Variants in DNAH6 observed in about 807,000 individuals in gnomAD.
DNAH6 encodes axonemal beta dynein heavy chain 6.
DNAH6 carries 340 observed loss-of-function variants against 491.4 expected under a neutral mutation model. That is an observed-to-expected ratio of 0.69 (90% confidence interval 0.63 to 0.76). The LOEUF (loss-of-function observed/expected upper bound fraction) is 0.76. DNAH6 is among the 30% of genes least tolerant of loss of function. The probability of loss-of-function intolerance (pLI) is 0.00; values close to 1 mark genes in which losing one functional copy is unlikely to be tolerated. For missense variants in DNAH6, 4,443 were observed against 4,972.2 expected (o/e 0.89, Z 3.20); for synonymous variants, 1,603 against 1,686.1 (o/e 0.95, Z 1.21).
Position 84,637,192 on chromosome 2 carries a change from T to C in DNAH6, c.4654-18T>C, listed in dbSNP as rs1200727270. ...AAGTGTCTGGAAGAGTGTTAACTTA[T>C]ATTTTATCTTCGAACAGCTCTCTAG... is the stretch of plus-strand genomic sequence containing the variant. On this transcript the variant is annotated intron_variant, in intron 30 of 76. Transcript: ENST00000389394. The C allele has an allele frequency of 1.2e-5, 18 of 1,521,708 alleles. No individual in the cohort carries two copies. In the South Asian group the frequency reaches 1.6e-4, roughly 14 times the overall value. The allele number at this position is 1,521,708 out of a possible 1,614,324, so 94.3% of individuals were successfully genotyped here.
the DNAH6 span, among the ~76,000 whole-genome samples, chr2:84,489,049 C>T: frequency 6.6e-6 from 1 of 152,144 alleles, no homozygotes; most frequent in Non-Finnish European, 1.5e-5. Flanking sequence ...TCAAATAGGT[C>T]TGAAATCATT....
At chr2:84,807,978 A>G (rs945308305) in intron 71 of DNAH6, among the ~76,000 whole-genome samples, 5 of 152,024 alleles carry the variant, frequency 3.3e-5, no homozygotes, top group African/African-American at 9.7e-5. Flanking sequence ...CTATGATCTC[A>G]CTTAAGCAAC....
intron 22 of DNAH6, among the ~76,000 whole-genome samples, chr2:84,616,455 T>C (rs891109963): frequency 1.3e-5 from 2 of 152,182 alleles, no homozygotes; most frequent in Non-Finnish European, 2.9e-5. Context: ...CTTCTTTGTC[T>C]TTTTTAACTG....
chr2:84,630,799 C>T (rs13391520), intron 29 of DNAH6, among the ~76,000 whole-genome samples: 10,135 of 152,138 alleles, frequency 0.067, 1,099 homozygotes, highest in African/African-American at 0.23. Flanking sequence ...TTATGTGTTA[C>T]AGAGTTTATT....
intron 68 of DNAH6, among the ~76,000 whole-genome samples, chr2:84,791,237 T>C: frequency 6.6e-6 from 1 of 150,400 alleles, no homozygotes; most frequent in East Asian, 1.9e-4. Flanking sequence ...AAAACAAAAC[T>C]TGTACACAAA....
intron 61 of DNAH6, among the ~76,000 whole-genome samples, chr2:84,731,693 T>C (rs1699131753): frequency 6.6e-6 from 1 of 152,136 alleles, no homozygotes; most frequent in Non-Finnish European, 1.5e-5. Context: ...TCTAAAACAA[T>C]AAAGTTTGTA....
At chr2:84,571,810 C>T (rs1681917857) in intron 11 of DNAH6, among the ~76,000 whole-genome samples, 1 of 151,342 alleles carries the variant, frequency 6.6e-6, no homozygotes, top group African/African-American at 2.4e-5. Flanking sequence ...TCCCAGCTAC[C>T]CAGGAGACTG....
the DNAH6 span, among the ~76,000 whole-genome samples, chr2:84,475,810 T>G: frequency 6.6e-6 from 1 of 152,338 alleles, no homozygotes; most frequent in East Asian, 1.9e-4. Flanking sequence ...AAAATCAATA[T>G]ATGATTCTTT....
At chr2:84,706,667 A>G (rs1410503141) in intron 52 of DNAH6, among the ~76,000 whole-genome samples, 1 of 152,082 alleles carries the variant, frequency 6.6e-6, no homozygotes, top group Non-Finnish European at 1.5e-5. Context: ...CTGTTTCTCT[A>G]TTATGATTTA....
At chr2:84,498,491 A>T in the DNAH6 span, among the ~76,000 whole-genome samples, 2 of 102,654 alleles carry the variant, frequency 1.9e-5, no homozygotes, top group Non-Finnish European at 3.9e-5. Flanking sequence ...TAGAATAGAA[A>T]CCTGCTCAAG....
At chr2:84,515,167 G>A (rs896957400), upstream of DNAH6, among the ~76,000 whole-genome samples, 11 of 152,282 alleles carry the variant, frequency 7.2e-5, no homozygotes, top group East Asian at 1.9e-3. Flanking sequence ...TTATATCAAT[G>A]ATTGCATTTT....
chr2:84,572,030 C>A (rs936612438), intron 11 of DNAH6, among the ~76,000 whole-genome samples: 2 of 152,100 alleles, frequency 1.3e-5, no homozygotes, highest in African/African-American at 4.8e-5. Context: ...CTATGAAATT[C>A]ATTACTGGAA....
chr2:84,783,669 T>C (rs1367251629), intron 65 of DNAH6, among the ~76,000 whole-genome samples: 1 of 152,250 alleles, frequency 6.6e-6, no homozygotes, highest in Admixed American at 6.5e-5. Flanking sequence ...AAGGGCCTAG[T>C]GTACCATGTA....
rs551713072 is a variant in DNAH6 at position 84,798,185 on chromosome 2, A to T, written c.11481+527A>T. Reference sequence around the variant, plus strand: ...TTACTCCTCTGTGTAAGACCTTGTGATGCTGCACCATTACCTAAGGGTAGT... The same window carrying T: ...TTACTCCTCTGTGTAAGACCTTGTGTTGCTGCACCATTACCTAAGGGTAGT... On this transcript the variant is annotated intron_variant, in intron 70 of 76. Transcript: ENST00000389394. 9.2e-5 allele frequency among the ~76,000 whole-genome samples: 14 copies of T among 152,342 alleles called. No homozygotes were observed. In the East Asian group the frequency reaches 2.3e-3, roughly 25 times the overall value.
intron 63 of DNAH6, among the ~76,000 whole-genome samples, chr2:84,754,401 G>A (rs1012552390): frequency 1.4e-5 from 2 of 147,682 alleles, no homozygotes; most frequent in African/African-American, 5.0e-5. Context: ...GGCTGGTCTC[G>A]AACTCCTGAC....
intron 71 of DNAH6, among the ~76,000 whole-genome samples, chr2:84,806,317 A>G (rs991126616): frequency 6.6e-6 from 1 of 152,170 alleles, no homozygotes; most frequent in African/African-American, 2.4e-5. Flanking sequence ...TTGTTTTCTG[A>G]TAAGTGAAAG....
rs768921357 is a variant in DNAH6 at position 84,529,131 on chromosome 2, A to G, written c.627A>G (p.Pro209=). Residue 209 remains proline, a synonymous_variant, in exon 4 of 77, where the codon CCA becomes CCG. Transcript: ENST00000389394. ...TTCTTTATATGATCCCTGCAGTGCC[A>G]AGATCATCCATTGAATATGATACAT... ...LGFLYMIPAV[P]RSSIEYDTYN... is the part of the protein sequence containing the mutation. 2 of 1,549,640 alleles carry G rather than the reference A, an allele frequency of 1.3e-6. No individual in the cohort carries two copies.
At chr2:84,687,535 A>G (rs1013218371) in intron 44 of DNAH6, among the ~76,000 whole-genome samples, 2 of 152,238 alleles carry the variant, frequency 1.3e-5, no homozygotes, top group African/African-American at 2.4e-5. Context: ...TAAAGTATAT[A>G]TTTATATTTA....
intron 40 of DNAH6, among the ~76,000 whole-genome samples, chr2:84,674,200 T>C (rs1006672010): frequency 2.0e-5 from 3 of 152,208 alleles, no homozygotes; most frequent in African/African-American, 7.2e-5. Context: ...AGCCCTGTTT[T>C]ATAGATCAAG....
Sources: gnomAD v4.1 joint callset for allele counts (sites outside exome capture counted in the v4.1 genomes callset) on GRCh38, gnomAD v4.1.1 for gene constraint, MANE v1.5 for transcripts, NCBI Gene and HGNC (gene_info 2026-07-23, HGNC 2026-07-21) for gene names.